The following USP7 variants were observed in gnomAD, a reference collection of about 807,000 sequenced individuals.
The protein encoded by USP7 is ubiquitin specific peptidase 7.
A neutral mutation model predicts 162.9 loss-of-function variants in USP7; 9 were observed. That is an observed-to-expected ratio of 0.06 (90% CI 0.03 to 0.10). The LOEUF is 0.10. USP7 is among the 10% of genes least tolerant of loss of function. The pLI, the probability that USP7 is intolerant of heterozygous loss-of-function variation, is 1.00. For synonymous variants in USP7, 562 were observed against 475.9 expected, an observed-to-expected ratio of 1.18 and a Z score of -2.35; for missense variants, 715 against 1,373.7, an observed-to-expected ratio of 0.52 and a Z score of 7.58.
At chr16:8,907,554 C>A (rs886798220) in intron 12 of USP7, among the ~76,000 whole-genome samples, 2 of 152,218 alleles carry the variant, frequency 1.3e-5, no homozygotes, top group African/African-American at 4.8e-5. Flanking sequence ...ACTATTTTAA[C>A]AACCTAGAAA....
chr16:8,895,744 G>A lies in USP7; in HGVS notation c.2820-3C>T, dbSNP rs746989311. Reference sequence around the variant, plus strand: ...TGTAGCTTACAATTTCTAGCAGCCTGAACAGAGAGGAAAAAAAAATAGGGC... The same window carrying A: ...TGTAGCTTACAATTTCTAGCAGCCTAAACAGAGAGGAAAAAAAAATAGGGC... On this transcript the variant is annotated splice_polypyrimidine_tract_variant and splice_region_variant and intron_variant, in intron 26 of 30. Transcript: ENST00000344836. 4.5e-5 allele frequency: 72 copies of A among 1,591,934 alleles called. No individual in the cohort carries two copies. Among genetic ancestry groups the A allele is most frequent in the Non-Finnish European group, 5.6e-5 (66 of 1,171,228 alleles).
At chr16:8,922,269 A>G (rs1350915298) in intron 3 of USP7, among the ~76,000 whole-genome samples, 2 of 152,190 alleles carry the variant, frequency 1.3e-5, no homozygotes, top group Non-Finnish European at 2.9e-5. Flanking sequence ...CAGGCAGATC[A>G]CCTGAGGTCA....
chr16:8,903,618 G>A (rs2061812398), intron 15 of USP7, among the ~76,000 whole-genome samples: 1 of 152,186 alleles, frequency 6.6e-6, no homozygotes, highest in Admixed American at 6.5e-5. Context: ...GGTGGCTCAT[G>A]CACTTTGGGA....
At chr16:8,933,124 G>A (rs1596395419) in intron 1 of USP7, among the ~76,000 whole-genome samples, 1 of 152,074 alleles carries the variant, frequency 6.6e-6, no homozygotes. Context: ...ATTTTTAGTA[G>A]AGACAGGGTT....
chr16:8,945,957 C>T (rs896201587), intron 1 of USP7, among the ~76,000 whole-genome samples: 1 of 151,986 alleles, frequency 6.6e-6, no homozygotes, highest in Admixed American at 6.5e-5. Context: ...ATGAAGCTTC[C>T]ATAATCAAGA....
intron 1 of USP7, among the ~76,000 whole-genome samples, chr16:8,954,243 G>A (rs111356144): frequency 4.8e-5 from 7 of 147,008 alleles, no homozygotes; most frequent in East Asian, 2.1e-4. Flanking sequence ...GGGAAGACAC[G>A]TGCCCCCTGC....
At chr16:8,934,801 C>T (rs1898592405) in intron 1 of USP7, among the ~76,000 whole-genome samples, 1 of 152,196 alleles carries the variant, frequency 6.6e-6, no homozygotes, top group East Asian at 1.9e-4. Context: ...AGGGGTGGGT[C>T]CCGGCCACCA....
intron 6 of USP7, among the ~76,000 whole-genome samples, chr16:8,917,875 C>T (rs962679299): frequency 5.3e-5 from 8 of 152,064 alleles, no homozygotes; most frequent in East Asian, 1.9e-4. Flanking sequence ...CTGCAATCTC[C>T]GCCTCCCAGG....
At chr16:8,907,180 A>C (rs917920655) in intron 12 of USP7, among the ~76,000 whole-genome samples, 1 of 152,244 alleles carries the variant, frequency 6.6e-6, no homozygotes, top group African/African-American at 2.4e-5. Flanking sequence ...TCTGATTCCT[A>C]AACGATGCCC....
chr16:8,913,259 G>C (rs543774082), intron 10 of USP7, among the ~76,000 whole-genome samples: 104 of 152,328 alleles, frequency 6.8e-4, no homozygotes, highest in African/African-American at 2.3e-3. Context: ...GTGAGCCTAA[G>C]GCAGGAGAAT....
intron 1 of USP7, among the ~76,000 whole-genome samples, chr16:8,959,958 T>G (rs1002290946): frequency 6.6e-6 from 1 of 152,142 alleles, no homozygotes; most frequent in Non-Finnish European, 1.5e-5. Context: ...CAGAGACTGC[T>G]CACTTGGGCA....
At chr16:8,938,562 C>T (rs920036884) in intron 1 of USP7, among the ~76,000 whole-genome samples, 14 of 151,716 alleles carry the variant, frequency 9.2e-5, no homozygotes, top group Non-Finnish European at 1.9e-4. Context: ...AATACAAAAA[C>T]TTAGCTGGGC....
intron 1 of USP7, among the ~76,000 whole-genome samples, chr16:8,957,120 A>G (rs1209792771): frequency 1.3e-5 from 2 of 152,268 alleles, no homozygotes; most frequent in Non-Finnish European, 2.9e-5. Flanking sequence ...TAAAAAGTTA[A>G]AATTACCAAC....
rs939587982 is a variant in USP7 at position 8,903,334 on chromosome 16, G to A, written c.1773C>T (p.Tyr591=). Residue 591 remains tyrosine, a synonymous_variant, in exon 16 of 31, where the codon TAC becomes TAT. Transcript: ENST00000344836. ...AGTTCTTCAATACTTTGAACACAGT[G>A]TATTTCACTTTTTCTTCATCGTACA... ...NDMYDEEKVK[Y]TVFKVLKNSS... is the part of the protein sequence containing the mutation. 1.2e-6 allele frequency: 2 copies of A among 1,614,046 alleles called. No homozygotes were observed. Among genetic ancestry groups the A allele is most frequent in the South Asian group, 1.1e-5 (1 of 91,082 alleles).
chr16:8,895,599 C>A, intron 27 of USP7, 43 bp downstream of exon 27: 4 of 1,469,154 alleles, frequency 2.7e-6, no homozygotes, highest in Non-Finnish European at 3.8e-6. Context: ...GCAGATGGGG[C>A]TCATGAATTC....
At chr16:8,944,680 A>G (rs1899198751) in intron 1 of USP7, among the ~76,000 whole-genome samples, 1 of 152,232 alleles carries the variant, frequency 6.6e-6, no homozygotes, top group South Asian at 2.1e-4. Flanking sequence ...AGTCTACTCT[A>G]GGCCACTGGA....
In USP7 at chr16:8,895,107, A is replaced by G; in HGVS notation, c.2963T>C (p.Met988Thr). 6.2e-7 allele frequency: 1 copy of G among 1,614,230 alleles called. No homozygotes were observed. The highest frequency in any genetic ancestry group is 8.5e-7 in the Non-Finnish European group (1 of 1,180,044). ...GTGGAAATGCGCCACTGTGACAAGCATCTCATTCTCTTTGTCTATGTCCAC... is the reference window on the plus strand; with the variant it reads ...GTGGAAATGCGCCACTGTGACAAGCGTCTCATTCTCTTTGTCTATGTCCAC... ...DQVDIDKENEMLVTVAHFHKE... is the reference protein window; with the variant it reads ...DQVDIDKENETLVTVAHFHKE... Residue 988 changes from methionine (M) to threonine (T), a missense_variant, in exon 28 of 31, where the codon ATG (methionine) becomes ACG (threonine). Physicochemically the swap from Met to Thr is moderately conservative, Grantham distance 81. Coordinates refer to ENST00000344836, the MANE Select transcript of USP7 (RefSeq NM_003470.3).
intron 1 of USP7, among the ~76,000 whole-genome samples, chr16:8,958,827 T>C (rs1362480740): frequency 3.3e-5 from 5 of 152,210 alleles, no homozygotes; most frequent in Non-Finnish European, 7.3e-5. Context: ...TCTCAAAATA[T>C]TACACTTTTA....
chr16:8,962,109 C>A (rs1900038476), intron 1 of USP7, among the ~76,000 whole-genome samples: 2 of 152,292 alleles, frequency 1.3e-5, no homozygotes, highest in South Asian at 4.1e-4. Flanking sequence ...CACTTGGAGC[C>A]ACCGCACAGG....
Sources: allele counts gnomAD v4.1 joint callset (sites outside exome capture counted in the v4.1 genomes callset), GRCh38; gene constraint gnomAD v4.1.1; transcripts MANE v1.5; gene names NCBI Gene and HGNC (gene_info 2026-07-23, HGNC 2026-07-21).